The following DGKD variants were observed in gnomAD, a reference collection of about 807,000 sequenced individuals.
DGKD encodes the protein diacylglycerol kinase delta, also known as DAG kinase delta.
Under a neutral mutation model 154.4 loss-of-function variants are expected in DGKD, and 68 were observed. The ratio of observed to expected loss-of-function variants is 0.44; its 90% CI spans 0.36 to 0.54. The LOEUF is 0.54. DGKD is among the 20% of genes least tolerant of loss of function. DGKD has a pLI of 0.00. For missense variants in DGKD, 1,343 were observed against 1,593.6 expected (o/e 0.84, Z 2.68); for synonymous variants, 693 against 638.0 (o/e 1.09, Z -1.30).
rs2063337804 is a variant in DGKD, at chr2:233,452,978, G to A, written c.2264+918G>A. Among the ~76,000 whole-genome samples, 1 of 152,130 alleles carries A rather than the reference G, an allele frequency of 6.6e-6. No individual in the cohort carries two copies. Among genetic ancestry groups the A allele is most frequent in the Non-Finnish European group, 1.5e-5 (1 of 68,010 alleles). On this transcript the variant is annotated intron_variant, in intron 18 of 29. Transcript: ENST00000264057. This position sits in a 1 kb window ranked among gnomAD's most constrained non-coding sequence, Gnocchi z 4.0. ...CTTCAGTGTCCCTGTTCCTGGCCTG[G>A]TCTACTCCTCCCCTGGGGCTGCGTG...
intron 3 of DGKD, among the ~76,000 whole-genome samples, chr2:233,404,235 G>T (rs1039175185): frequency 1.3e-5 from 2 of 152,126 alleles, no homozygotes; most frequent in African/African-American, 4.8e-5. Context: ...ATATTTCATT[G>T]TGTAGATGTG....
At chr2:233,376,014 C>A (rs1702557565) in intron 1 of DGKD, among the ~76,000 whole-genome samples, 1 of 152,160 alleles carries the variant, frequency 6.6e-6, no homozygotes, top group Non-Finnish European at 1.5e-5. Flanking sequence ...AGAGTGATTT[C>A]ATTCCACAGC....
Position 233,441,825 on chromosome 2 carries a change from C to T in DGKD, c.1086-62C>T. The T allele has an allele frequency of 6.6e-7, 1 of 1,521,250 alleles. No individual in the cohort carries two copies. Among genetic ancestry groups the T allele is most frequent in the South Asian group, 1.2e-5 (1 of 82,646 alleles). The allele number at this position is 1,521,250 out of a possible 1,614,324, so 94.2% of individuals were successfully genotyped here. On this transcript the variant is annotated intron_variant, in intron 9 of 29. Coordinates refer to ENST00000264057, the MANE Select transcript of DGKD (RefSeq NM_152879.3). This position sits in a 1 kb window ranked among gnomAD's most constrained non-coding sequence, Gnocchi z 5.6. ...AGGTGGCCCCTCAGCCCCGTACTGA[C>T]AAGCCTGTCATTTGTCCTGTGGAAT...
At chr2:233,370,897 G>A (rs1702287581) in intron 1 of DGKD, among the ~76,000 whole-genome samples, 1 of 151,964 alleles carries the variant, frequency 6.6e-6, no homozygotes, top group Non-Finnish European at 1.5e-5. Flanking sequence ...GACTACAGAT[G>A]TGTGCCACCA....
At chr2:233,394,417 A>T (rs1302983755) in intron 3 of DGKD, among the ~76,000 whole-genome samples, 1 of 151,432 alleles carries the variant, frequency 6.6e-6, no homozygotes, top group East Asian at 2.0e-4. Context: ...TAATTTTTAC[A>T]TTTTTTTGTA....
At chr2:233,355,860 C>T (rs187282226) in intron 1 of DGKD, among the ~76,000 whole-genome samples, 1 of 152,262 alleles carries the variant, frequency 6.6e-6, no homozygotes, top group Admixed American at 6.5e-5. Flanking sequence ...GGTGAGAACC[C>T]AATAAGTTGG....
Position 233,438,932 on chromosome 2 carries a change from C to T in DGKD, c.1085+553C>T, listed in dbSNP as rs527305986. 1.3e-5 allele frequency among the ~76,000 whole-genome samples: 2 copies of T among 152,194 alleles called. No individual in the cohort carries two copies. Among genetic ancestry groups the T allele is most frequent in the Admixed American group, 6.5e-5 (1 of 15,282 alleles). Reference sequence around the variant, plus strand: ...TTGCTGAGAGGCACAGGAGGCCGCTCGGTGTGCAGGTGCTGCAAGGCAGGA... The same window carrying T: ...TTGCTGAGAGGCACAGGAGGCCGCTTGGTGTGCAGGTGCTGCAAGGCAGGA... On this transcript the variant is annotated intron_variant, in intron 9 of 29. Coordinates refer to ENST00000264057, the MANE Select transcript of DGKD (RefSeq NM_152879.3). The surrounding 1 kb of genome is among the most constrained non-coding windows in gnomAD (Gnocchi z 4.1).
chr2:233,379,353 G>T (rs1404438039), intron 1 of DGKD, among the ~76,000 whole-genome samples: 1 of 152,198 alleles, frequency 6.6e-6, no homozygotes, highest in African/African-American at 2.4e-5. Flanking sequence ...GGAGTTGGTT[G>T]TGTTTGGGTC....
At chr2:233,454,636 C>A in intron 18 of DGKD, 127 bp from the exon 19 acceptor site, 1 of 617,366 alleles carries the variant, frequency 1.6e-6, no homozygotes, top group Non-Finnish European at 2.9e-6. Context: ...CTTAATAAAT[C>A]TCTTAGCAGA....
chr2:233,440,558 G>GA lies in DGKD; in HGVS notation c.1086-1328dup, dbSNP rs1260879733. Among the ~76,000 whole-genome samples the GA allele has an allele frequency of 1.3e-5, 2 of 152,186 alleles. No individual in the cohort carries two copies. Among genetic ancestry groups the GA allele is most frequent in the Non-Finnish European group, 2.9e-5 (2 of 68,040 alleles). On this transcript the variant is annotated intron_variant, in intron 9 of 29. Transcript: ENST00000264057. This position sits in a 1 kb window ranked among gnomAD's most constrained non-coding sequence, Gnocchi z 4.9. ...ACGTCTCCCCGAGCTGGCATCCGAGGAGCTCTAGTGTTCTGAAGGCTGCAG... is the reference window on the plus strand; with the variant it reads ...ACGTCTCCCCGAGCTGGCATCCGAGGAAGCTCTAGTGTTCTGAAGGCTGCAG...
intron 3 of DGKD, among the ~76,000 whole-genome samples, chr2:233,428,150 C>G (rs1401563289): frequency 6.6e-6 from 1 of 152,082 alleles, no homozygotes; most frequent in Non-Finnish European, 1.5e-5. Flanking sequence ...AGGAGGTGGG[C>G]CCTTGCCTAA....
At position 233,437,378 on chromosome 2, in the gene DGKD, T is replaced by G. The variant is rs775961540; in HGVS notation, c.821T>G (p.Val274Gly). 1.2e-6 allele frequency: 2 copies of G among 1,614,094 alleles called. No homozygotes were observed. The highest frequency in any genetic ancestry group is 1.7e-6 in the Non-Finnish European group (2 of 1,179,974). The stretch of plus-strand genomic sequence containing the variant: ...GTGACGCGGGGACTCTTGTTTCAGG[T>G]TCACACATCGTGTAAAGAATCCTTG... Reference protein sequence around the residue: ...DWRCLWCKAMVHTSCKESLLT... With the variant: ...DWRCLWCKAMGHTSCKESLLT... Residue 274 changes from valine (V) to glycine (G), a missense_variant and splice_region_variant, in exon 8 of 30, where the codon GTT (valine) becomes GGT (glycine). Transcript: ENST00000264057.
chr2:233,463,568 C>T (rs1215409126), intron 26 of DGKD, among the ~76,000 whole-genome samples: 1 of 147,438 alleles, frequency 6.8e-6, no homozygotes, highest in East Asian at 2.1e-4. Flanking sequence ...CCACGCATCT[C>T]CTCACTCCAC....
chr2:233,397,687 C>A (rs1174751308), intron 3 of DGKD, among the ~76,000 whole-genome samples: 1 of 152,110 alleles, frequency 6.6e-6, no homozygotes, highest in African/African-American at 2.4e-5. Flanking sequence ...TGGTGAAATT[C>A]TCAGATTTGC....
chr2:233,357,465 T>A (rs1228023643), intron 1 of DGKD, among the ~76,000 whole-genome samples: 1 of 152,040 alleles, frequency 6.6e-6, no homozygotes, highest in Non-Finnish European at 1.5e-5. Context: ...CCTGTTAAAA[T>A]GATGATTATG....
chr2:233,457,137 C>A lies in DGKD; in HGVS notation c.2473-84C>A. ...CCCTGGCCACGGCTGTGCTCCTGAG[C>A]CCCTGGCGGTGGGAAGCTGGTAGAG... On this transcript the variant is annotated intron_variant, in intron 20 of 29. Transcript: ENST00000264057. The surrounding 1 kb of genome is among the most constrained non-coding windows in gnomAD (Gnocchi z 5.5). 2 of 1,324,752 alleles carry A rather than the reference C, an allele frequency of 1.5e-6. No homozygotes were observed. Among genetic ancestry groups the A allele is most frequent in the Non-Finnish European group, 2.1e-6 (2 of 949,578 alleles). 82.1% of individuals were successfully genotyped at this position (1,324,752 alleles called of 1,614,324 possible). A position where few individuals can be genotyped will look rare whatever the true frequency, so the allele number is the denominator to read the frequency against.
At chr2:233,357,916 T>C (rs1435477858) in intron 1 of DGKD, among the ~76,000 whole-genome samples, 1 of 152,234 alleles carries the variant, frequency 6.6e-6, no homozygotes, top group African/African-American at 2.4e-5. Flanking sequence ...CAAGACCTTA[T>C]GGCACACATG....
rs980648004 is a variant in DGKD at position 233,388,263 on chromosome 2, A to G, written c.163A>G (p.Ile55Val). The change falls in exon 2 of 30, where the codon ATC becomes GTC. Residue 55 changes from isoleucine to valine, a missense_variant. By Grantham distance (29) the Ile-to-Val change is conservative. Around this residue, in one of 6 missense-constraint regions of DGKD, gnomAD observed 332 missense variants for 400.1 expected, o/e 0.83. Coordinates refer to ENST00000264057, the MANE Select transcript of DGKD (RefSeq NM_152879.3). ...TSGQIRQKTI[I>V]KEGMLTKQNN... ...TATGTTTCTGTACTTTCAGACCATC[A>G]TCAAAGAGGGGATGCTGACCAAACA... The G allele has an allele frequency of 6.2e-7, 1 of 1,613,080 alleles. No individual in the cohort carries two copies. Among genetic ancestry groups the G allele is most frequent in the Non-Finnish European group, 8.5e-7 (1 of 1,179,760 alleles).
At chr2:233,417,382 T>C (rs1162143866) in intron 3 of DGKD, among the ~76,000 whole-genome samples, 1 of 152,212 alleles carries the variant, frequency 6.6e-6, no homozygotes, top group African/African-American at 2.4e-5. Flanking sequence ...CTGTAGTGTT[T>C]ATGTGGTAAA....
Sources: gnomAD v4.1 joint callset for allele counts (sites outside exome capture counted in the v4.1 genomes callset) on GRCh38, gnomAD v4.1.1 for gene constraint, gnomAD v4.1.1 regional missense constraint, Gnocchi (gnomAD v3.1) non-coding constraint, MANE v1.5 for transcripts, NCBI Gene and HGNC (gene_info 2026-07-23, HGNC 2026-07-21) for gene names.